KCNH8: variants seen among roughly 807,000 people sequenced by gnomAD.
KCNH8 encodes voltage-gated delayed rectifier potassium channel KCNH8.
Under a neutral mutation model 103.6 loss-of-function variants are expected in KCNH8, and 70 were observed. The ratio of observed to expected loss-of-function variants is 0.68; its 90% CI spans 0.56 to 0.82. KCNH8 has a LOEUF of 0.82. Ranked by LOEUF, KCNH8 falls within the 40% of genes least tolerant of loss-of-function variation. The probability of loss-of-function intolerance (pLI) is 0.00; values close to 1 mark genes in which losing one functional copy is unlikely to be tolerated. For missense variants in KCNH8, 1,217 were observed against 1,329.9 expected (o/e 0.92, Z 1.32); for synonymous variants, 498 against 489.4 (o/e 1.02, Z -0.23).
chr3:19,362,584 T>C (rs1371267244), intron 5 of KCNH8, among the ~76,000 whole-genome samples: 3 of 152,224 alleles, frequency 2.0e-5, no homozygotes, highest in Non-Finnish European at 2.9e-5. Flanking sequence ...AAATAATCAA[T>C]ATAACAAAGC....
rs187875689 is a variant in KCNH8 at position 19,496,232 on chromosome 3, T to C, written c.2041-14131T>C. ...CCTGGCCAAGACTTCCAGTACTATG[T>C]TGAATAGGAGTCATGATAGAGGGCA... is the stretch of plus-strand genomic sequence containing the variant. On this transcript the variant is annotated intron_variant, in intron 11 of 15. Coordinates refer to ENST00000328405, the MANE Select transcript of KCNH8 (RefSeq NM_144633.3). 2.1e-3 allele frequency among the ~76,000 whole-genome samples: 319 copies of C among 152,318 alleles called. 1 individual carries two copies. Among genetic ancestry groups the C allele is most frequent in the Admixed American group, 0.011 (169 of 15,298 alleles).
intron 3 of KCNH8, among the ~76,000 whole-genome samples, chr3:19,283,805 T>A (rs903191788): frequency 1.3e-5 from 2 of 151,274 alleles, no homozygotes; most frequent in Non-Finnish European, 2.9e-5. Flanking sequence ...AGCCAGGTCA[T>A]GGTGGTGCGC....
At position 19,534,223 on chromosome 3, in the gene KCNH8, T is replaced by G. The variant is rs1465215575; in HGVS notation, c.*124T>G. On this transcript the variant is annotated 3_prime_UTR_variant, in exon 16 of 16. Coordinates refer to ENST00000328405, the MANE Select transcript of KCNH8 (RefSeq NM_144633.3). ...GCTGGGAATCCTGCAGAAAAGAGTGTGAGGAGCCAGGGAAAGGCAGAACCA... is the reference window on the plus strand; with the variant it reads ...GCTGGGAATCCTGCAGAAAAGAGTGGGAGGAGCCAGGGAAAGGCAGAACCA... The G allele has an allele frequency of 4.3e-6, 3 of 701,368 alleles. No individual in the cohort carries two copies. The Admixed American group carries it at 8.6e-5, about 20-fold the overall frequency. The allele number at this position is 701,368 out of a possible 1,614,324, so 43.4% of individuals were successfully genotyped here.
intron 1 of KCNH8, among the ~76,000 whole-genome samples, chr3:19,156,990 A>C (rs905212462): frequency 9.5e-5 from 14 of 147,370 alleles, no homozygotes; most frequent in Non-Finnish European, 1.9e-4. Flanking sequence ...TTTAAAAAAA[A>C]GGTTTTCTTT....
At chr3:19,308,758 CTCCCTCTCTCCCTCCCTCT>C (rs2065170237) in intron 3 of KCNH8, among the ~76,000 whole-genome samples, 1 of 102,620 alleles carries the variant, frequency 9.7e-6, no homozygotes, top group Admixed American at 9.7e-5. Context: ...CTCTCCCTCT[CTCCCTCTCTCCCTCCCTCT>C]CTCTCTCTCC....
intron 11 of KCNH8, among the ~76,000 whole-genome samples, chr3:19,498,270 T>G (rs1426501962): frequency 2.6e-5 from 4 of 152,232 alleles, no homozygotes; most frequent in Non-Finnish European, 4.4e-5. Flanking sequence ...GTGGATTTGA[T>G]CCTTTTATGT....
intron 1 of KCNH8, among the ~76,000 whole-genome samples, chr3:19,242,178 T>G (rs754424042): frequency 6.6e-5 from 10 of 152,176 alleles, no homozygotes; most frequent in Non-Finnish European, 1.2e-4. Flanking sequence ...GGAAAATCTT[T>G]AAAGAATTTA....
intron 1 of KCNH8, among the ~76,000 whole-genome samples, chr3:19,155,674 A>C (rs1387694300): frequency 6.6e-6 from 1 of 151,960 alleles, no homozygotes; most frequent in Non-Finnish European, 1.5e-5. Context: ...TGGTTTTGGG[A>C]CTCTGCTTTT....
At position 19,352,734 on chromosome 3, in the gene KCNH8, G is replaced by A. The variant is rs934838440; in HGVS notation, c.811+4769G>A. On this transcript the variant is annotated intron_variant, in intron 5 of 15. Coordinates refer to ENST00000328405, the MANE Select transcript of KCNH8 (RefSeq NM_144633.3). ...GAATCTCTGGGACACATTTAAAGCA[G>A]TGTGTAGAGGGAAATTTATAGCACT... 2.0e-5 allele frequency among the ~76,000 whole-genome samples: 3 copies of A among 152,178 alleles called. No individual in the cohort carries two copies. In the East Asian group the frequency reaches 5.8e-4, roughly 29 times the overall value.
chr3:19,170,328 A>G (rs953041837), intron 1 of KCNH8, among the ~76,000 whole-genome samples: 2 of 152,146 alleles, frequency 1.3e-5, no homozygotes, highest in African/African-American at 4.8e-5. Flanking sequence ...GTATCCACAC[A>G]CATGCACACA....
At chr3:19,288,774 T>C (rs1292939868) in intron 3 of KCNH8, among the ~76,000 whole-genome samples, 2 of 152,210 alleles carry the variant, frequency 1.3e-5, no homozygotes, top group Non-Finnish European at 2.9e-5. Flanking sequence ...TCGAATGGTA[T>C]TTCTAGTTCT....
At chr3:19,274,142 A>G (rs1490841377) in intron 2 of KCNH8, among the ~76,000 whole-genome samples, 1 of 152,178 alleles carries the variant, frequency 6.6e-6, no homozygotes, top group Non-Finnish European at 1.5e-5. Context: ...TAGAAAATCA[A>G]ACTCAGACTT....
At chr3:19,325,415 G>A (rs888889203) in intron 3 of KCNH8, among the ~76,000 whole-genome samples, 1 of 152,094 alleles carries the variant, frequency 6.6e-6, no homozygotes, top group Admixed American at 6.5e-5. Context: ...CCAAAGAATG[G>A]TGGAAAATTT....
intron 11 of KCNH8, among the ~76,000 whole-genome samples, chr3:19,483,348 A>C (rs1175121918): frequency 6.6e-6 from 1 of 152,116 alleles, no homozygotes; most frequent in Non-Finnish European, 1.5e-5. Flanking sequence ...TTTTCGTGTT[A>C]CCACTATACA....
At chr3:19,257,421 C>T (rs2064360521) in intron 2 of KCNH8, among the ~76,000 whole-genome samples, 1 of 151,970 alleles carries the variant, frequency 6.6e-6, no homozygotes, top group Non-Finnish European at 1.5e-5. Context: ...CTGAGATGGA[C>T]ACACTGAGAT....
At chr3:19,187,483 G>A (rs181650523) in intron 1 of KCNH8, among the ~76,000 whole-genome samples, 1 of 152,064 alleles carries the variant, frequency 6.6e-6, no homozygotes, top group Admixed American at 6.6e-5. Context: ...GTATCACTGG[G>A]GTTATATCAC....
At chr3:19,325,550 A>G (rs1338905711) in intron 3 of KCNH8, among the ~76,000 whole-genome samples, 4 of 152,236 alleles carry the variant, frequency 2.6e-5, no homozygotes, top group Admixed American at 2.6e-4. Context: ...ACTTCTCAAA[A>G]GAAGACATAC....
At chr3:19,323,855 C>T (rs1226104817) in intron 3 of KCNH8, among the ~76,000 whole-genome samples, 1 of 152,172 alleles carries the variant, frequency 6.6e-6, no homozygotes, top group Non-Finnish European at 1.5e-5. Flanking sequence ...TGATGTGATT[C>T]GTCTTCAGGT....
chr3:19,256,510 C>T (rs1038129526), intron 2 of KCNH8, among the ~76,000 whole-genome samples: 6 of 152,158 alleles, frequency 3.9e-5, no homozygotes, highest in East Asian at 1.9e-4. Context: ...AGCTGCCATC[C>T]GGTGGAACGA....
Sources: gnomAD v4.1 joint callset for allele counts (sites outside exome capture counted in the v4.1 genomes callset) on GRCh38, gnomAD v4.1.1 for gene constraint, MANE v1.5 for transcripts, NCBI Gene and HGNC (gene_info 2026-07-23, HGNC 2026-07-21) for gene names.